GBE1: variants seen among roughly 807,000 people sequenced by gnomAD.
GBE1 encodes the protein 1,4-alpha-glucan-branching enzyme.
Under a neutral mutation model 88.8 loss-of-function variants are expected in GBE1, and 70 were observed. That is an observed-to-expected ratio of 0.79 (90% CI 0.65 to 0.96). GBE1 has a LOEUF of 0.96. Among genes scored for constraint, GBE1 ranks in the 40% least tolerant of loss-of-function variants. The pLI, the probability that GBE1 is intolerant of heterozygous loss-of-function variation, is 0.00. For synonymous variants in GBE1, 284 were observed against 300.1 expected (o/e 0.95, Z 0.56); for missense variants, 872 against 871.0 (o/e 1.00, Z -0.01).
intron 15 of GBE1, among the ~76,000 whole-genome samples, chr3:81,498,013 G>C (rs985271988): frequency 1.3e-5 from 2 of 152,042 alleles, no homozygotes; most frequent in Admixed American, 6.6e-5. Flanking sequence ...ATCTAAAGCT[G>C]TATCAGTGTC....
At chr3:81,510,609 T>C (rs879271856) in intron 14 of GBE1, among the ~76,000 whole-genome samples, 16 of 151,996 alleles carry the variant, frequency 1.1e-4, no homozygotes, top group Admixed American at 5.9e-4. Context: ...CATTTCCCCA[T>C]ATGCATTTAA....
intron 12 of GBE1, among the ~76,000 whole-genome samples, chr3:81,551,953 A>C (rs1350094228): frequency 6.6e-6 from 1 of 152,196 alleles, no homozygotes. Flanking sequence ...TGTTAGAACT[A>C]GGGAAGCATG....
At chr3:81,504,896 C>T (rs951126659) in intron 14 of GBE1, among the ~76,000 whole-genome samples, 6 of 152,162 alleles carry the variant, frequency 3.9e-5, no homozygotes, top group African/African-American at 9.7e-5. Flanking sequence ...TTCACTCCCA[C>T]TGATGAAGCT....
chr3:81,539,053 A>G (rs555411628), intron 12 of GBE1, among the ~76,000 whole-genome samples: 1 of 152,110 alleles, frequency 6.6e-6, no homozygotes, highest in Admixed American at 6.6e-5. Flanking sequence ...ACATGAATTA[A>G]CCCTATCTTC....
intron 1 of GBE1, among the ~76,000 whole-genome samples, chr3:81,728,845 A>T (rs1255141242): frequency 1.3e-5 from 2 of 152,120 alleles, no homozygotes; most frequent in African/African-American, 2.4e-5. Flanking sequence ...TTTCTCATTA[A>T]AATTCTTCAG....
At chr3:81,757,469 G>A (rs1706618314) in intron 1 of GBE1, among the ~76,000 whole-genome samples, 1 of 152,160 alleles carries the variant, frequency 6.6e-6, no homozygotes, top group Admixed American at 6.5e-5. Flanking sequence ...TTTGAAAAAA[G>A]AACAACAGCT....
At chr3:81,725,139 G>A (rs368034345) in intron 1 of GBE1, among the ~76,000 whole-genome samples, 16 of 152,182 alleles carry the variant, frequency 1.1e-4, no homozygotes, top group South Asian at 1.0e-3. Flanking sequence ...CACAGGCTAC[G>A]CTAAATTTAT....
intron 1 of GBE1, among the ~76,000 whole-genome samples, chr3:81,750,660 T>C (rs28591118): frequency 0.22 from 8,828 of 40,192 alleles, 1,336 homozygotes; most frequent in East Asian, 0.48. Context: ...TATATATATG[T>C]ATATATATAT....
At position 81,594,775 on chromosome 3, in the gene GBE1, C is replaced by T. The variant is rs75567611; in HGVS notation, c.993-752G>A. Among the ~76,000 whole-genome samples, 1,081 of 151,996 alleles carry T rather than the reference C, an allele frequency of 7.1e-3. 9 individuals are homozygous for T. Among genetic ancestry groups the T allele is most frequent in the Middle Eastern group, 0.024 (7 of 292 alleles). ...GTGTAACTCAATTAAAAACACCACACGAAACAAGTCTGTTTTGGACAGTTG... is the reference window on the plus strand; with the variant it reads ...GTGTAACTCAATTAAAAACACCACATGAAACAAGTCTGTTTTGGACAGTTG... On this transcript the variant is annotated intron_variant, in intron 7 of 15. Coordinates refer to ENST00000429644, the MANE Select transcript of GBE1 (RefSeq NM_000158.4).
intron 14 of GBE1, among the ~76,000 whole-genome samples, chr3:81,513,768 C>T (rs1702756742): frequency 6.6e-6 from 1 of 151,540 alleles, no homozygotes; most frequent in South Asian, 2.1e-4. Context: ...GTTGTTAAGC[C>T]TTGCATGCAT....
chr3:81,667,434 T>C (rs748895475), intron 3 of GBE1, among the ~76,000 whole-genome samples: 2 of 152,192 alleles, frequency 1.3e-5, no homozygotes, highest in Non-Finnish European at 2.9e-5. Flanking sequence ...GAATACCCTT[T>C]ATTTCTTTCT....
In GBE1 at chr3:81,716,143, T is replaced by TAA. The variant is rs572929516; in HGVS notation, c.144-10531_144-10530insTT. On this transcript the variant is annotated intron_variant, in intron 1 of 15. Coordinates refer to ENST00000429644, the MANE Select transcript of GBE1 (RefSeq NM_000158.4). ...CAGTCCACATTTAAGAAAAAATTGT[T>TAA]AGTGTCTTATTTTCTGATGTGAAGG... is the stretch of plus-strand genomic sequence containing the variant. Among the ~76,000 whole-genome samples the TAA allele has an allele frequency of 7.9e-4, 120 of 152,284 alleles. 1 individual carries two copies. In the Middle Eastern group the frequency reaches 0.01, roughly 13 times the overall value.
At chr3:81,569,076 AC>A (rs768789947) in intron 12 of GBE1, among the ~76,000 whole-genome samples, 13 of 152,326 alleles carry the variant, frequency 8.5e-5, no homozygotes, top group South Asian at 4.1e-4. Context: ...TTAACATCTT[AC>A]TTCAATTCAC....
chr3:81,602,155 T>C (rs187486243), intron 7 of GBE1, among the ~76,000 whole-genome samples: 12 of 152,318 alleles, frequency 7.9e-5, no homozygotes, highest in African/African-American at 2.2e-4. Context: ...ACAGGATAAA[T>C]TGGACAATAT....
chr3:81,748,476 T>C (rs924273788), intron 1 of GBE1, among the ~76,000 whole-genome samples: 1 of 150,852 alleles, frequency 6.6e-6, no homozygotes, highest in Admixed American at 6.6e-5. Flanking sequence ...CCGGGTGTGG[T>C]GGCGGGCGCC....
intron 2 of GBE1, among the ~76,000 whole-genome samples, chr3:81,678,913 T>C (rs377578623): frequency 1.2e-4 from 19 of 152,266 alleles, no homozygotes; most frequent in African/African-American, 4.3e-4. Context: ...TTAATAAGGA[T>C]GATAAGAGTT....
At chr3:81,509,987 A>G (rs1237929081) in intron 14 of GBE1, among the ~76,000 whole-genome samples, 1 of 152,042 alleles carries the variant, frequency 6.6e-6, no homozygotes, top group East Asian at 1.9e-4. Flanking sequence ...GATTGGTATG[A>G]GCCTTGAAGA....
chr3:81,606,722 T>C (rs995309075), intron 7 of GBE1, among the ~76,000 whole-genome samples: 4 of 152,216 alleles, frequency 2.6e-5, no homozygotes, highest in African/African-American at 9.6e-5. Context: ...CACGCAAATA[T>C]GATCTCTTAG....
At chr3:81,524,868 G>A (rs1317914683) in intron 14 of GBE1, among the ~76,000 whole-genome samples, 1 of 151,552 alleles carries the variant, frequency 6.6e-6, no homozygotes. Context: ...TTCTTTTTGT[G>A]CAACATGTCT....
Sources: allele counts gnomAD v4.1 joint callset (sites outside exome capture counted in the v4.1 genomes callset), GRCh38; gene constraint gnomAD v4.1.1; transcripts MANE v1.5; gene names NCBI Gene and HGNC (gene_info 2026-07-23, HGNC 2026-07-21).